The following ZSWIM9 variants were observed in gnomAD, a reference collection of about 807,000 sequenced individuals.
ZSWIM9 encodes the protein zinc finger SWIM-type containing 9, also known as uncharacterized protein ZSWIM9.
ZSWIM9 carries 11 observed loss-of-function variants against 25.0 expected under a neutral mutation model. The observed-to-expected ratio is 0.44, with a 90% CI of 0.28 to 0.73. ZSWIM9 has a LOEUF of 0.73. Ranked by LOEUF, ZSWIM9 falls within the 30% of genes least tolerant of loss-of-function variation. ZSWIM9 has a pLI of 0.16. For missense variants in ZSWIM9, 1,070 were observed against 1,296.5 expected, an observed-to-expected ratio of 0.83 and a Z score of 2.68; for synonymous variants, 562 against 582.1, an observed-to-expected ratio of 0.97 and a Z score of 0.50.
At chr19:48,183,349 G>C (rs998619954) in intron 3 of ZSWIM9, among the ~76,000 whole-genome samples, 1 of 151,926 alleles carries the variant, frequency 6.6e-6, no homozygotes, top group African/African-American at 2.4e-5. Context: ...GGATGGTCTC[G>C]ATCTCCTGAC....
Position 48,197,266 on chromosome 19 carries a change from G to C in ZSWIM9, c.*439G>C. Reference sequence around the variant, plus strand: ...AAGTACAGAAGACAGATGAAGGAGAGGAGGTAAGCGAGAAAAAATGGAAAG... The same window carrying C: ...AAGTACAGAAGACAGATGAAGGAGACGAGGTAAGCGAGAAAAAATGGAAAG... On this transcript the variant is annotated 3_prime_UTR_variant, in exon 4 of 4. Coordinates refer to ENST00000614654, the MANE Select transcript of ZSWIM9 (RefSeq NM_199341.4). 1 of 702,020 alleles carries C rather than the reference G, an allele frequency of 1.4e-6. No homozygotes were observed. The highest frequency in any genetic ancestry group is 1.5e-5 in the South Asian group (1 of 67,516). The allele number at this position is 702,020 out of a possible 1,614,324, so 43.5% of individuals were successfully genotyped here. A position where few individuals can be genotyped will look rare whatever the true frequency, so the allele number is the denominator to read the frequency against.
intron 1 of ZSWIM9, chr19:48,171,140 AG>A (rs1235974603): frequency 1.4e-6 from 1 of 714,152 alleles, no homozygotes; most frequent in Non-Finnish European, 1.7e-6. Flanking sequence ...AGAGTGTCTC[AG>A]GGAAGCCCCA....
Position 48,171,901 on chromosome 19 carries a change from C to T in ZSWIM9, c.99C>T (p.Phe33=), listed in dbSNP as rs769021699. 3.2e-5 allele frequency: 49 copies of T among 1,535,724 alleles called. No homozygotes were observed. Among genetic ancestry groups the T allele is most frequent in the Non-Finnish European group, 3.9e-5 (45 of 1,146,696 alleles). The change falls in exon 2 of 4, where the codon TTC becomes TTT. Residue 33 remains phenylalanine (F), a synonymous_variant. Coordinates refer to ENST00000614654, the MANE Select transcript of ZSWIM9 (RefSeq NM_199341.4). ...AFFSWAEFSR[F]FDAWCQQRLA... ...TCTCGTGGGCCGAGTTCAGCCGCTTCTTCGACGCGTGGTGCCAGCAGCGGC... is the reference window on the plus strand; with the variant it reads ...TCTCGTGGGCCGAGTTCAGCCGCTTTTTCGACGCGTGGTGCCAGCAGCGGC...
At chr19:48,192,480 A>AATATATATATATATATATATATAT (rs1555787871) in intron 3 of ZSWIM9, among the ~76,000 whole-genome samples, 2 of 17,382 alleles carry the variant, frequency 1.2e-4, no homozygotes, top group Admixed American at 1.0e-3. Flanking sequence ...AAAAAAAAAA[A>AATATATATATATATATATATATAT]ATATATATAT....
In ZSWIM9 at chr19:48,171,923, C is replaced by T. The variant is rs1467453965; in HGVS notation, c.121C>T (p.Arg41Trp). 5.2e-6 allele frequency: 8 copies of T among 1,535,734 alleles called. No homozygotes were observed. The highest frequency in any genetic ancestry group is 7.0e-6 in the Non-Finnish European group (8 of 1,146,706). The change falls in exon 2 of 4, where the codon CGG becomes TGG. Residue 41 changes from arginine to tryptophan, a missense_variant. Coordinates refer to ENST00000614654, the MANE Select transcript of ZSWIM9 (RefSeq NM_199341.4). ...SRFFDAWCQQ[R>W]LALFFVKSSM... ...CTTCTTCGACGCGTGGTGCCAGCAG[C>T]GGCTGGCGCTCTTCTTCGTCAAGAG...
chr19:48,185,715 G>T (rs1200481186), intron 3 of ZSWIM9, among the ~76,000 whole-genome samples: 1 of 152,164 alleles, frequency 6.6e-6, no homozygotes, highest in Admixed American at 6.6e-5. Context: ...GGCTAGGCAT[G>T]GTTACTCACA....
In ZSWIM9 at chr19:48,195,752, A is replaced by T. The variant is rs1599939115; in HGVS notation, c.1688A>T (p.Gln563Leu). 1 of 1,484,842 alleles carries T rather than the reference A, an allele frequency of 6.7e-7. No individual in the cohort carries two copies. Among genetic ancestry groups the T allele is most frequent in the Non-Finnish European group, 8.9e-7 (1 of 1,125,490 alleles). 92.0% of individuals were successfully genotyped at this position (1,484,842 alleles called of 1,614,324 possible). ...GPEIRDWRGP[Q>L]LEGEKDWGLE... ...GAGATTAGAGACTGGAGGGGGCCCCAGTTGGAGGGTGAGAAAGATTGGGGA... is the reference window on the plus strand; with the variant it reads ...GAGATTAGAGACTGGAGGGGGCCCCTGTTGGAGGGTGAGAAAGATTGGGGA... The change falls in exon 4 of 4, where the codon CAG becomes CTG. Residue 563 changes from glutamine to leucine, a missense_variant. Transcript: ENST00000614654. The surrounding 1 kb of genome is among the most constrained non-coding windows in gnomAD (Gnocchi z 5.8).
At chr19:48,185,462 A>G (rs915769709) in intron 3 of ZSWIM9, among the ~76,000 whole-genome samples, 1 of 152,218 alleles carries the variant, frequency 6.6e-6, no homozygotes. Context: ...GAAAGGAGGA[A>G]GAAGTTCTAG....
intron 3 of ZSWIM9, among the ~76,000 whole-genome samples, chr19:48,185,665 C>T (rs188725785): frequency 1.4e-4 from 22 of 152,232 alleles, no homozygotes; most frequent in Non-Finnish European, 2.2e-4. Flanking sequence ...CAGCACTGCC[C>T]GGTGGAACTT....
At chr19:48,176,228 G>A (rs755979344) in intron 2 of ZSWIM9, among the ~76,000 whole-genome samples, 1 of 151,994 alleles carries the variant, frequency 6.6e-6, no homozygotes, top group Non-Finnish European at 1.5e-5. Context: ...AAATGGGTAA[G>A]TGGAAGGCAA....
In ZSWIM9 at chr19:48,194,396, A is replaced by T. The variant is rs2037132395; in HGVS notation, c.589-257A>T. On this transcript the variant is annotated intron_variant, in intron 3 of 3. Coordinates refer to ENST00000614654, the MANE Select transcript of ZSWIM9 (RefSeq NM_199341.4). This position sits in a 1 kb window ranked among gnomAD's most constrained non-coding sequence, Gnocchi z 6.0. Reference sequence around the variant, plus strand: ...GAGGAAACTGAGGCTCAGAGAAGCTAAAAGTGTCATGTGGAAAAAATCACA... The same window carrying T: ...GAGGAAACTGAGGCTCAGAGAAGCTTAAAGTGTCATGTGGAAAAAATCACA... 6.6e-6 allele frequency among the ~76,000 whole-genome samples: 1 copy of T among 152,222 alleles called. No individual in the cohort carries two copies. Among genetic ancestry groups the T allele is most frequent in the African/African-American group, 2.4e-5 (1 of 41,464 alleles).
chr19:48,182,672 C>A lies in ZSWIM9; in HGVS notation c.493C>A (p.Arg165Ser). ...GCAGTTCGTGGCCCCAGCCGACGTG[C>A]GCCGCCTGCTGTCCTACTGCAAGGG... is the stretch of plus-strand genomic sequence containing the variant. ...SKQFVAPADV[R>S]RLLSYCKGRD... Residue 165 changes from arginine (R) to serine (S), a missense_variant, in exon 3 of 4, where the codon CGC becomes AGC. This residue lies in a region of ZSWIM9 where 265 missense variants were observed against 339.0 expected (regional missense o/e 0.78). Coordinates refer to ENST00000614654, the MANE Select transcript of ZSWIM9 (RefSeq NM_199341.4). The surrounding 1 kb of genome is among the most constrained non-coding windows in gnomAD (Gnocchi z 4.6). 6.5e-7 allele frequency: 1 copy of A among 1,535,784 alleles called. No homozygotes were observed. The highest frequency in any genetic ancestry group is 8.7e-7 in the Non-Finnish European group (1 of 1,146,634).
In ZSWIM9 at chr19:48,196,329, AG is replaced by A; in HGVS notation, c.2268del (p.Arg757GlyfsTer3). ...GAGGGATGGAGTGGGGAGACGCAGGAGGGCGGTGTCTAGGGCTGGGGAATGG... is the reference window on the plus strand; with the variant it reads ...GAGGGATGGAGTGGGGAGACGCAGGAGGCGGTGTCTAGGGCTGGGGAATGG... ...GRGMEWGDAG[G>X]RCLGLGNGVV... On this transcript the variant is annotated frameshift_variant, in exon 4 of 4. Coordinates refer to ENST00000614654, the MANE Select transcript of ZSWIM9 (RefSeq NM_199341.4). LOFTEE classifies it low-confidence loss of function (END_TRUNC). 8.1e-7 allele frequency: 1 copy of A among 1,233,258 alleles called. No individual in the cohort carries two copies. Among genetic ancestry groups the A allele is most frequent in the Non-Finnish European group, 1.0e-6 (1 of 988,916 alleles). 76.4% of individuals were successfully genotyped at this position (1,233,258 alleles called of 1,614,324 possible).
At chr19:48,192,466 A>AGTAT (rs1480286362) in intron 3 of ZSWIM9, among the ~76,000 whole-genome samples, 3 of 22,806 alleles carry the variant, frequency 1.3e-4, no homozygotes, top group African/African-American at 3.6e-4. Flanking sequence ...AAAAAAAAAA[A>AGTAT]AAAAAAAAAA....
At chr19:48,180,307 C>T (rs577901870) in intron 2 of ZSWIM9, among the ~76,000 whole-genome samples, 56 of 151,008 alleles carry the variant, frequency 3.7e-4, no homozygotes, top group African/African-American at 1.1e-3. Flanking sequence ...TGAGCCACCG[C>T]GCCAGGCCAT....
intron 3 of ZSWIM9, among the ~76,000 whole-genome samples, chr19:48,193,585 C>T (rs1568583059): frequency 6.6e-6 from 1 of 152,134 alleles, no homozygotes; most frequent in Admixed American, 6.6e-5. Flanking sequence ...GATCAGGAAA[C>T]GAAGATATGA....
Position 48,196,013 on chromosome 19 carries a change from CAGA to C in ZSWIM9, c.1952_1954del (p.Glu651del). ...ACTGCAGAATGGAAGGGGCCACAGTCAGAAGTAGAGAAGGGGAGGGGGCTGGAG... is the reference window on the plus strand; with the variant it reads ...ACTGCAGAATGGAAGGGGCCACAGTCAGTAGAGAAGGGGAGGGGGCTGGAG... On this transcript the variant is annotated inframe_deletion, in exon 4 of 4. Transcript: ENST00000614654. 1.6e-6 allele frequency: 2 copies of C among 1,260,388 alleles called. No homozygotes were observed. The highest frequency in any genetic ancestry group is 2.0e-6 in the Non-Finnish European group (2 of 1,004,564). 78.1% of individuals were successfully genotyped at this position (1,260,388 alleles called of 1,614,324 possible).
In ZSWIM9 at chr19:48,195,854, T is replaced by C. The variant is rs1225847829; in HGVS notation, c.1790T>C (p.Val597Ala). 7.0e-7 allele frequency: 1 copy of C among 1,422,856 alleles called. No homozygotes were observed. The highest frequency in any genetic ancestry group is 2.9e-5 in the Admixed American group (1 of 34,670). 88.1% of individuals were successfully genotyped at this position (1,422,856 alleles called of 1,614,324 possible). A position where few individuals can be genotyped will look rare whatever the true frequency, so the allele number is the denominator to read the frequency against. The change falls in exon 4 of 4, where the codon GTG (valine) becomes GCG (alanine). Residue 597 changes from valine (V) to alanine (A), a missense_variant. Physicochemically the swap from Val to Ala is moderately conservative, Grantham distance 64. Transcript: ENST00000614654. The surrounding 1 kb of genome is among the most constrained non-coding windows in gnomAD (Gnocchi z 5.8). ...GGATTGGAAGGGTATACCTGGAGGG[T>C]GGCCCAGCTGGAAGATCGCAGGAGT... ...LRGLEGYTWR[V>A]AQLEDRRSTT...
At chr19:48,191,441 G>T (rs914016185) in intron 3 of ZSWIM9, among the ~76,000 whole-genome samples, 1 of 152,152 alleles carries the variant, frequency 6.6e-6, no homozygotes, top group Non-Finnish European at 1.5e-5. Context: ...CTGACCTCAG[G>T]TGATCCACCT....
Sources: allele counts gnomAD v4.1 joint callset (sites outside exome capture counted in the v4.1 genomes callset), GRCh38; gene constraint gnomAD v4.1.1; regional missense constraint gnomAD v4.1.1; non-coding constraint Gnocchi (gnomAD v3.1); transcripts MANE v1.5; gene names NCBI Gene and HGNC (gene_info 2026-07-23, HGNC 2026-07-21).